MTFR1: variants seen among roughly 807,000 people sequenced by gnomAD.
The protein encoded by MTFR1 is chondrocyte protein with a poly-proline region.
In MTFR1, 28 loss-of-function variants were observed where a neutral mutation model predicts 38.8. That is an observed-to-expected ratio of 0.72 (90% CI 0.53 to 0.99). The LOEUF (loss-of-function observed/expected upper bound fraction) is 0.99, where lower values mean the gene tolerates loss of function less well. MTFR1 is among the 50% of genes least tolerant of loss of function. The probability of loss-of-function intolerance (pLI) is 0.00; values close to 1 mark genes in which losing one functional copy is unlikely to be tolerated. For synonymous variants in MTFR1, 145 were observed against 137.0 expected (o/e 1.06, Z -0.41); for missense variants, 358 against 395.5 (o/e 0.91, Z 0.81).
chr8:65,702,956 A>G (rs781134911), intron 4 of MTFR1, among the ~76,000 whole-genome samples: 3 of 152,158 alleles, frequency 2.0e-5, no homozygotes, highest in Non-Finnish European at 4.4e-5. Context: ...TGCCTTAGGG[A>G]ATTTTGGACC....
rs1805877426 is a variant in MTFR1, at chr8:65,709,353, G to A, written c.*309G>A. On this transcript the variant is annotated 3_prime_UTR_variant, in exon 8 of 8. Coordinates refer to ENST00000262146, the MANE Select transcript of MTFR1 (RefSeq NM_014637.4). ...CAACACAAAAAGGACATTTGTGGAT[G>A]TTACTGCACATTTTAAATTCTTAAC... 1 of 258,092 alleles carries A rather than the reference G, an allele frequency of 3.9e-6. No homozygotes were observed. Among genetic ancestry groups the A allele is most frequent in the East Asian group, 7.2e-5 (1 of 13,960 alleles). 16.0% of individuals were successfully genotyped at this position (258,092 alleles called of 1,614,324 possible).
rs1045523269 is a variant in MTFR1 at position 65,707,227 on chromosome 8, G to A, written c.735G>A (p.Met245Ile). The A allele has an allele frequency of 6.8e-6, 11 of 1,614,020 alleles. No homozygotes were observed. Among genetic ancestry groups the A allele is most frequent in the Admixed American group, 5.0e-5 (3 of 59,998 alleles). Residue 245 changes from methionine to isoleucine, a missense_variant, in exon 6 of 8, where the codon ATG (methionine) becomes ATA (isoleucine). Met to Ile is a conservative substitution (Grantham distance 10). Coordinates refer to ENST00000262146, the MANE Select transcript of MTFR1 (RefSeq NM_014637.4). ...ATATGCTAGAGATCCTTAAAGAGAT[G>A]AACAGTGTAAAACTTCGGTCAGTGA... ...MPNMLEILKE[M>I]NSVKLRSVKR...
intron 2 of MTFR1, chr8:65,718,423 T>A (rs1806233083): frequency 6.6e-6 from 1 of 152,250 alleles, no homozygotes; most frequent in Non-Finnish European, 1.5e-5. Context: ...CTGAGCTGAT[T>A]ATGGTGTTTT....
At chr8:65,752,802 G>A (rs1355806904) in intron 3 of MTFR1, among the ~76,000 whole-genome samples, 1 of 152,060 alleles carries the variant, frequency 6.6e-6, no homozygotes, top group Non-Finnish European at 1.5e-5. Flanking sequence ...ACACCTTTAT[G>A]TGTTTTCTAT....
intron 1 of MTFR1, among the ~76,000 whole-genome samples, chr8:65,652,491 C>T (rs1404763745): frequency 6.6e-6 from 1 of 152,164 alleles, no homozygotes; most frequent in Non-Finnish European, 1.5e-5. Context: ...GCTTTGGCCT[C>T]CCAAGGTGCT....
intron 3 of MTFR1, chr8:65,723,382 A>G (rs1203344580): frequency 1.7e-6 from 1 of 592,340 alleles, no homozygotes; most frequent in African/African-American, 1.9e-5. Flanking sequence ...TGAGAATTAG[A>G]AGAGCCATAA....
chr8:65,686,216 T>G (rs1805066870), intron 3 of MTFR1, among the ~76,000 whole-genome samples: 1 of 152,192 alleles, frequency 6.6e-6, no homozygotes, highest in Admixed American at 6.5e-5. Flanking sequence ...AGCTATAATT[T>G]TATAGTCAGT....
At chr8:65,756,132 T>C (rs759879545) in intron 3 of MTFR1, among the ~76,000 whole-genome samples, 1 of 152,266 alleles carries the variant, frequency 6.6e-6, no homozygotes, top group Non-Finnish European at 1.5e-5. Context: ...AAATCAGCTA[T>C]TAATCTTATT....
chr8:65,653,649 C>A (rs1265807777), intron 1 of MTFR1, among the ~76,000 whole-genome samples: 1 of 152,022 alleles, frequency 6.6e-6, no homozygotes, highest in Non-Finnish European at 1.5e-5. Flanking sequence ...GTAAGGGTTC[C>A]CAAAGTTTAT....
intron 2 of MTFR1, among the ~76,000 whole-genome samples, chr8:65,671,096 T>G (rs1804558714): frequency 6.6e-6 from 1 of 152,180 alleles, no homozygotes; most frequent in African/African-American, 2.4e-5. Context: ...CTTCGGAGAT[T>G]AAAAAGTAGA....
chr8:65,749,811 T>G (rs962466636), intron 3 of MTFR1, among the ~76,000 whole-genome samples: 1 of 152,226 alleles, frequency 6.6e-6, no homozygotes, highest in African/African-American at 2.4e-5. Context: ...CAAGGGTTTT[T>G]AAATTATATT....
chr8:65,719,737 C>T (rs953593), intron 3 of MTFR1: 179,914 of 504,082 alleles, frequency 0.36, 34,122 homozygotes, highest in East Asian at 0.56. Context: ...ATATATCTAA[C>T]CTTTTCTGGT....
intron 2 of MTFR1, among the ~76,000 whole-genome samples, chr8:65,677,898 C>T (rs1167967694): frequency 6.6e-6 from 1 of 151,286 alleles, no homozygotes; most frequent in Non-Finnish European, 1.5e-5. Flanking sequence ...TGCCTGTAGT[C>T]CCAACTACTG....
intron 3 of MTFR1, among the ~76,000 whole-genome samples, chr8:65,765,349 C>T (rs1423502096): frequency 1.3e-5 from 2 of 150,292 alleles, no homozygotes; most frequent in African/African-American, 2.4e-5. Context: ...ATTAGCCGGG[C>T]GTAGTGGCGG....
At chr8:65,658,190 CCTT>C (rs1284346431) in intron 1 of MTFR1, among the ~76,000 whole-genome samples, 1 of 152,100 alleles carries the variant, frequency 6.6e-6, no homozygotes, top group Non-Finnish European at 1.5e-5. Flanking sequence ...TTCTCAAAAA[CCTT>C]CTAAAAATAA....
intron 3 of MTFR1, among the ~76,000 whole-genome samples, chr8:65,765,121 T>C (rs1181625882): frequency 1.3e-5 from 2 of 152,112 alleles, no homozygotes; most frequent in Non-Finnish European, 2.9e-5. Flanking sequence ...TAGGCTACAA[T>C]GTAAATATCC....
chr8:65,764,027 G>A (rs1808642566), intron 3 of MTFR1, among the ~76,000 whole-genome samples: 1 of 152,166 alleles, frequency 6.6e-6, no homozygotes, highest in South Asian at 2.1e-4. Context: ...GAATCACCTG[G>A]AAACTAGGTG....
Position 65,704,715 on chromosome 8 carries a change from A to G in MTFR1, c.303A>G (p.Pro101=), listed in dbSNP as rs1204036593. The G allele has an allele frequency of 1.2e-6, 2 of 1,613,952 alleles. No individual in the cohort carries two copies. Among genetic ancestry groups the G allele is most frequent in the African/African-American group, 1.3e-5 (1 of 74,900 alleles). ...GCAGGACAGAGGTCAGATCAAGGCC[A>G]CCCCTTCAGGATGACCTTCTTTTCT... ...ARLRTEVRSR[P]PLQDDLLFFE... The change falls in exon 5 of 8, where the codon CCA becomes CCG. Residue 101 remains proline, a synonymous_variant. Transcript: ENST00000262146.
intron 1 of MTFR1, among the ~76,000 whole-genome samples, chr8:65,654,082 A>T (rs1809193624): frequency 6.7e-6 from 1 of 149,672 alleles, no homozygotes; most frequent in African/African-American, 2.4e-5. Flanking sequence ...AAAAAAAAAA[A>T]GGAAAATCAC....
Sources: gnomAD v4.1 joint callset for allele counts (sites outside exome capture counted in the v4.1 genomes callset) on GRCh38, gnomAD v4.1.1 for gene constraint, MANE v1.5 for transcripts, NCBI Gene and HGNC (gene_info 2026-07-23, HGNC 2026-07-21) for gene names.